Variants in ZMYM4 observed in about 807,000 individuals in gnomAD.
ZMYM4 encodes zinc finger MYM-type protein 4.
ZMYM4 carries 31 observed loss-of-function variants against 183.2 expected under a neutral mutation model. The ratio of observed to expected loss-of-function variants is 0.17; its 90% CI spans 0.13 to 0.23. The LOEUF (loss-of-function observed/expected upper bound fraction) is 0.23. Ranked by LOEUF, ZMYM4 falls within the 10% of genes least tolerant of loss-of-function variation. The pLI, the probability that ZMYM4 is intolerant of heterozygous loss-of-function variation, is 1.00. For missense variants in ZMYM4, 1,273 were observed against 1,840.3 expected (o/e 0.69, Z 5.64); for synonymous variants, 592 against 631.2 (o/e 0.94, Z 0.93).
Position 35,387,287 on chromosome 1 carries a change from TAG to T in ZMYM4, c.2112+10_2112+11del. 2 of 1,610,570 alleles carry T rather than the reference TAG, an allele frequency of 1.2e-6. No individual in the cohort carries two copies. Among genetic ancestry groups the T allele is most frequent in the Non-Finnish European group, 1.7e-6 (2 of 1,177,014 alleles). On this transcript the variant is annotated intron_variant, in intron 12 of 29. Transcript: ENST00000314607. The stretch of plus-strand genomic sequence containing the variant: ...AACTTCTTGACTATAAGGTAAAGTA[TAG>T]CATGTTCATGATAAGATTTTGAGTA...
chr1:35,377,850 A>T (rs980209838), intron 7 of ZMYM4, among the ~76,000 whole-genome samples: 6 of 152,318 alleles, frequency 3.9e-5, no homozygotes, highest in Admixed American at 3.9e-4. Context: ...TTGTCACATC[A>T]GTTGACTCTT....
chr1:35,341,542 T>C (rs1033524235), intron 2 of ZMYM4, among the ~76,000 whole-genome samples: 15 of 152,128 alleles, frequency 9.9e-5, no homozygotes, highest in African/African-American at 2.9e-4. Context: ...TTTTTTCATT[T>C]CTAGATTCTT....
At position 35,357,064 on chromosome 1, in the gene ZMYM4, T is replaced by G. The variant is rs369938815; in HGVS notation, c.86-1861T>G. Among the ~76,000 whole-genome samples the G allele has an allele frequency of 6.6e-5, 10 of 152,280 alleles. No homozygotes were observed. The East Asian group carries it at 1.7e-3, about 26-fold the overall frequency. On this transcript the variant is annotated intron_variant, in intron 2 of 29. Transcript: ENST00000314607. ...ACACCTGGCTGATTAAAACAAAATT[T>G]TTTTTTGTAGAGATGGGCTTTTGCT...
At chr1:35,374,698 A>ATT (rs545746107) in intron 7 of ZMYM4, among the ~76,000 whole-genome samples, 1 of 148,072 alleles carries the variant, frequency 6.8e-6, no homozygotes, top group African/African-American at 2.5e-5. Flanking sequence ...TCAGTCATAG[A>ATT]TTTTTTTTTT....
At chr1:35,369,599 G>T (rs911909234) in intron 5 of ZMYM4, among the ~76,000 whole-genome samples, 4 of 152,028 alleles carry the variant, frequency 2.6e-5, no homozygotes, top group Non-Finnish European at 5.9e-5. Context: ...TTGAGGAGGG[G>T]AAAAGACTGG....
chr1:35,352,259 A>AGG (rs1643638020), intron 2 of ZMYM4, among the ~76,000 whole-genome samples: 1 of 77,594 alleles, frequency 1.3e-5, no homozygotes, highest in Non-Finnish European at 2.1e-5. Flanking sequence ...ATTAGCGCGC[A>AGG]CGCGCGCGCG....
intron 2 of ZMYM4, among the ~76,000 whole-genome samples, chr1:35,356,681 C>G (rs1643830616): frequency 6.6e-6 from 1 of 152,158 alleles, no homozygotes; most frequent in African/African-American, 2.4e-5. Context: ...ATAGCTATCT[C>G]TTTCATCATT....
At chr1:35,332,448 T>C (rs934498308) in intron 2 of ZMYM4, among the ~76,000 whole-genome samples, 11 of 150,794 alleles carry the variant, frequency 7.3e-5, no homozygotes, top group Non-Finnish European at 1.3e-4. Flanking sequence ...TGGTCTTGAC[T>C]GAGAAGATTT....
rs1027295542 is a variant in ZMYM4 at position 35,325,535 on chromosome 1, A to G, written c.85+130A>G. ...GTGATGGTTCAATCTGATTTAGTCT[A>G]GATCTCATCACGTACTGTTCTTTCA... On this transcript the variant is annotated intron_variant, in intron 2 of 29. Transcript: ENST00000314607. 1.3e-5 allele frequency: 10 copies of G among 763,704 alleles called. No homozygotes were observed. In the East Asian group the frequency reaches 2.9e-4, roughly 22 times the overall value. The allele number at this position is 763,704 out of a possible 1,614,324, so 47.3% of individuals were successfully genotyped here.
chr1:35,326,733 C>G (rs374461379), intron 2 of ZMYM4, among the ~76,000 whole-genome samples: 1 of 152,152 alleles, frequency 6.6e-6, no homozygotes, highest in South Asian at 2.1e-4. Flanking sequence ...AATTTAGACA[C>G]GCTAATTAAC....
chr1:35,299,034 T>G (rs1051996291), intron 1 of ZMYM4, among the ~76,000 whole-genome samples: 18 of 151,548 alleles, frequency 1.2e-4, no homozygotes, highest in African/African-American at 3.6e-4. Context: ...TTTGAAAGTT[T>G]TTTTTTTTTT....
chr1:35,353,321 C>G (rs1027456382), intron 2 of ZMYM4, among the ~76,000 whole-genome samples: 1 of 152,186 alleles, frequency 6.6e-6, no homozygotes, highest in Non-Finnish European at 1.5e-5. Context: ...TTGAACACTT[C>G]ATAGTACACA....
chr1:35,326,316 A>G (rs148677857), intron 2 of ZMYM4, among the ~76,000 whole-genome samples: 3 of 152,312 alleles, frequency 2.0e-5, no homozygotes, highest in African/African-American at 4.8e-5. Context: ...AAAGATTAAT[A>G]AAAACAAGTA....
In ZMYM4 at chr1:35,405,098, G is replaced by A. The variant is rs772209520; in HGVS notation, c.3604G>A (p.Gly1202Arg). Residue 1202 changes from glycine (G) to arginine (R), a missense_variant, in exon 24 of 30, where the codon GGG becomes AGG. By Grantham distance (125) the Gly-to-Arg change is moderately radical. Coordinates refer to ENST00000314607, the MANE Select transcript of ZMYM4 (RefSeq NM_005095.3). ...QGAFQGCSVS[G>R]MTLKYMYGVN... ...AGCCTTTCAAGGCTGCTCAGTGTCC[G>A]GGATGACACTGAAATACATGTATGG... is the stretch of plus-strand genomic sequence containing the variant. The A allele has an allele frequency of 1.5e-5, 25 of 1,613,942 alleles. No homozygotes were observed. The highest frequency in any genetic ancestry group is 1.2e-4 in the African/African-American group (9 of 74,896).
At position 35,361,801 on chromosome 1, in the gene ZMYM4, A is replaced by G. The variant is rs746701471; in HGVS notation, c.840+12A>G. ...CTGACAATGCTCAAGTAAACATTTC[A>G]CCTTTTTTCCCCCCTTCTTTTTGTT... is the stretch of plus-strand genomic sequence containing the variant. On this transcript the variant is annotated intron_variant, in intron 5 of 29. Transcript: ENST00000314607. 3.1e-6 allele frequency: 5 copies of G among 1,592,970 alleles called. No individual in the cohort carries two copies. The South Asian group carries it at 4.6e-5, about 15-fold the overall frequency.
chr1:35,300,087 G>T (rs1167742804), intron 1 of ZMYM4, among the ~76,000 whole-genome samples: 1 of 152,120 alleles, frequency 6.6e-6, no homozygotes, highest in African/African-American at 2.4e-5. Flanking sequence ...GAGCCACTAT[G>T]CCCGGCAACA....
At chr1:35,393,819 A>G (rs1314075710) in intron 18 of ZMYM4, 80 bp downstream of exon 18, 5 of 1,430,460 alleles carry the variant, frequency 3.5e-6, no homozygotes, top group Admixed American at 2.4e-5. Flanking sequence ...AGTACCTGCT[A>G]TTTCCTAGGT....
chr1:35,283,221 G>A (rs1421653924), intron 1 of ZMYM4, among the ~76,000 whole-genome samples: 1 of 147,434 alleles, frequency 6.8e-6, no homozygotes, highest in Admixed American at 6.8e-5. Context: ...CACTGTGTTG[G>A]CCAGACTAGT....
intron 1 of ZMYM4, among the ~76,000 whole-genome samples, chr1:35,301,203 A>C (rs1312641191): frequency 6.6e-6 from 1 of 152,136 alleles, no homozygotes; most frequent in Non-Finnish European, 1.5e-5. Flanking sequence ...ACTTTTTACT[A>C]TACTATTGAA....
Sources: gnomAD v4.1 joint callset for allele counts (sites outside exome capture counted in the v4.1 genomes callset) on GRCh38, gnomAD v4.1.1 for gene constraint, MANE v1.5 for transcripts, NCBI Gene and HGNC (gene_info 2026-07-23, HGNC 2026-07-21) for gene names.